The following SSH1 variants were observed in gnomAD, a reference collection of about 807,000 sequenced individuals.
SSH1 encodes the protein slingshot protein phosphatase 1, also known as protein phosphatase Slingshot homolog 1.
Under a neutral mutation model 79.7 loss-of-function variants are expected in SSH1, and 43 were observed. The ratio of observed to expected loss-of-function variants is 0.54; its 90% CI spans 0.42 to 0.70. The LOEUF (loss-of-function observed/expected upper bound fraction) is 0.70. SSH1 is among the 30% of genes least tolerant of loss of function. The probability of loss-of-function intolerance (pLI) is 0.00; values close to 1 mark genes in which losing one functional copy is unlikely to be tolerated. For synonymous variants in SSH1, 599 were observed against 538.3 expected, an observed-to-expected ratio of 1.11 and a Z score of -1.56; for missense variants, 1,206 against 1,358.8, an observed-to-expected ratio of 0.89 and a Z score of 1.77.
At chr12:108,800,662 T>C in intron 12 of SSH1, 118 bp downstream of exon 12, 1 of 1,219,650 alleles carries the variant, frequency 8.2e-7, no homozygotes, top group Non-Finnish European at 1.2e-6. Context: ...GCGTCTGGAG[T>C]CCCGTTAGGA....
intron 2 of SSH1, among the ~76,000 whole-genome samples, chr12:108,826,562 G>A (rs575474811): frequency 2.6e-5 from 4 of 151,992 alleles, no homozygotes; most frequent in South Asian, 2.1e-4. Context: ...GTGGGAGGCC[G>A]CAGAGCATGG....
At position 108,852,259 on chromosome 12, in the gene SSH1, C is replaced by T. The variant is rs531578428; in HGVS notation, c.110+379G>A. 5.9e-3 allele frequency among the ~76,000 whole-genome samples: 853 copies of T among 143,534 alleles called. 4 individuals are homozygous for T. Among genetic ancestry groups the T allele is most frequent in the Non-Finnish European group, 9.5e-3 (629 of 66,518 alleles). 94.2% of individuals were successfully genotyped at this position (143,534 alleles called of 152,430 possible). A position where few individuals can be genotyped will look rare whatever the true frequency, so the allele number is the denominator to read the frequency against. ...TATTCTTTTTTTTTTTTTTTTAAGA[C>T]GGAGTTTTGCTCTGTCGCCAGGCTG... On this transcript the variant is annotated intron_variant, in intron 2 of 14. Transcript: ENST00000326495.
chr12:108,802,530 C>T (rs1249816374), intron 10 of SSH1, among the ~76,000 whole-genome samples, 162 bp from the exon 11 acceptor site: 1 of 152,126 alleles, frequency 6.6e-6, no homozygotes, highest in Non-Finnish European at 1.5e-5. Context: ...CAAGGAGATT[C>T]CTGAGTGAGT....
intron 12 of SSH1, among the ~76,000 whole-genome samples, chr12:108,800,099 G>A (rs1320985152): frequency 2.0e-5 from 3 of 152,208 alleles, no homozygotes; most frequent in South Asian, 2.1e-4. Context: ...ATTTGGTTAA[G>A]GACACATCAT....
Position 108,807,955 on chromosome 12 carries a change from G to C in SSH1, c.537-128C>G. ...TTGATTGGTTGATTATTTCTTTTTGGGACAGAGTCTCGCTCTGTCACTCCC... is the reference window on the plus strand; with the variant it reads ...TTGATTGGTTGATTATTTCTTTTTGCGACAGAGTCTCGCTCTGTCACTCCC... On this transcript the variant is annotated intron_variant, in intron 7 of 14. Transcript: ENST00000326495. The surrounding 1 kb of genome is among the most constrained non-coding windows in gnomAD (Gnocchi z 5.2). 1.2e-6 allele frequency: 1 copy of C among 869,382 alleles called. No homozygotes were observed. Among genetic ancestry groups the C allele is most frequent in the Non-Finnish European group, 1.8e-6 (1 of 545,452 alleles). The allele number at this position is 869,382 out of a possible 1,614,324, so 53.9% of individuals were successfully genotyped here. A position where few individuals can be genotyped will look rare whatever the true frequency, so the allele number is the denominator to read the frequency against.
chr12:108,817,159 C>G lies in SSH1; in HGVS notation c.280G>C (p.Ala94Pro). The G allele has an allele frequency of 6.2e-7, 1 of 1,613,806 alleles. No homozygotes were observed. Among genetic ancestry groups the G allele is most frequent in the Non-Finnish European group, 8.5e-7 (1 of 1,179,978 alleles). Reference protein sequence around the residue: ...LLRCEDRIKLAVRLESAWADR... With the variant: ...LLRCEDRIKLPVRLESAWADR... ...GCCCAGGCGCTCTCCAGGCGCACTG[C>G]CTGGAACAGGGCAGACATGCTCTCA... The change falls in exon 5 of 15, where the codon GCA becomes CCA. Residue 94 changes from alanine (A) to proline (P), a missense_variant and splice_region_variant. Coordinates refer to ENST00000326495, the MANE Select transcript of SSH1 (RefSeq NM_018984.4).
At chr12:108,827,959 G>A (rs956317606) in intron 2 of SSH1, among the ~76,000 whole-genome samples, 13 of 152,320 alleles carry the variant, frequency 8.5e-5, no homozygotes, top group East Asian at 3.9e-4. Flanking sequence ...GGATACGCAC[G>A]GTGCCCAAGG....
chr12:108,809,881 A>G (rs2037488590), intron 6 of SSH1, 123 bp from the exon 7 acceptor site: 2 of 820,704 alleles, frequency 2.4e-6, no homozygotes, highest in Admixed American at 1.9e-5. Context: ...CTCAGGCCAC[A>G]TGATGAGGGA....
chr12:108,796,547 G>A (rs1014450172), intron 13 of SSH1, among the ~76,000 whole-genome samples: 2 of 152,156 alleles, frequency 1.3e-5, no homozygotes, highest in South Asian at 4.1e-4. Flanking sequence ...TTAAGGCTGT[G>A]TAGTATCCCA....
In SSH1 at chr12:108,837,451, T is replaced by C. The variant is rs374921526; in HGVS notation, c.111-14090A>G. On this transcript the variant is annotated intron_variant, in intron 2 of 14. Coordinates refer to ENST00000326495, the MANE Select transcript of SSH1 (RefSeq NM_018984.4). ...AATGCATCAGAGTCAGTGTCCCGCG[T>C]GGATGGCTGTGTTGCGGTTCTGTGG... Among the ~76,000 whole-genome samples, 6 of 152,148 alleles carry C rather than the reference T, an allele frequency of 3.9e-5. No homozygotes were observed. In the East Asian group the frequency reaches 1.2e-3, roughly 29 times the overall value.
chr12:108,789,030 T>C lies in SSH1; in HGVS notation c.2108A>G (p.Lys703Arg). 1 of 1,608,674 alleles carries C rather than the reference T, an allele frequency of 6.2e-7. No individual in the cohort carries two copies. Among genetic ancestry groups the C allele is most frequent in the Non-Finnish European group, 8.5e-7 (1 of 1,176,394 alleles). ...AGGTTCGGTTGGGCCAGAGGCTGGC[T>C]TCTCCGGAACACGGGACCTGCTGGC... ...HLASRSRVPE[K>R]PASGPTEPPP... The change falls in exon 15 of 15, where the codon AAG becomes AGG. Residue 703 changes from lysine (K) to arginine (R), a missense_variant. Physicochemically the swap from Lys to Arg is conservative, Grantham distance 26 (BLOSUM62 2). Around this residue, in one of 5 missense-constraint regions of SSH1, gnomAD observed 709 missense variants for 730.6 expected, o/e 0.97. Transcript: ENST00000326495.
intron 2 of SSH1, among the ~76,000 whole-genome samples, chr12:108,830,194 G>A (rs907877609): frequency 2.6e-5 from 4 of 152,228 alleles, no homozygotes; most frequent in African/African-American, 9.6e-5. Context: ...GCTCACGCCT[G>A]TAATCCTGGC....
At chr12:108,835,875 T>C (rs1198924388) in intron 2 of SSH1, among the ~76,000 whole-genome samples, 1 of 135,184 alleles carries the variant, frequency 7.4e-6, no homozygotes, top group East Asian at 2.1e-4. Context: ...ATATACATAT[T>C]ATATTAATTA....
chr12:108,790,629 G>A (rs997203509), intron 14 of SSH1, among the ~76,000 whole-genome samples: 1 of 152,218 alleles, frequency 6.6e-6, no homozygotes, highest in Admixed American at 6.5e-5. Context: ...CTTTGTGGTA[G>A]GCAGGGAAGT....
At chr12:108,833,651 ATT>A (rs2038528455) in intron 2 of SSH1, 1 of 152,218 alleles carries the variant, frequency 6.6e-6, no homozygotes, top group South Asian at 2.1e-4. Context: ...TCTGTGCTGC[ATT>A]CTCTGAATGT....
intron 9 of SSH1, 62 bp downstream of exon 9, chr12:108,806,239 G>A: frequency 6.7e-7 from 1 of 1,489,436 alleles, no homozygotes; most frequent in Non-Finnish European, 9.4e-7. Flanking sequence ...TGCACTTTCG[G>A]GAGCAGGACA....
intron 2 of SSH1, chr12:108,836,833 G>A: frequency 2.0e-6 from 1 of 501,024 alleles, no homozygotes. Context: ...CATCCCTTGG[G>A]TGATGTTCCA....
rs868190913 is a variant in SSH1, at chr12:108,835,905, A to G, written c.111-12544T>C. Among the ~76,000 whole-genome samples the G allele has an allele frequency of 7.8e-4, 54 of 69,402 alleles. 7 individuals are homozygous for G. The highest frequency in any genetic ancestry group is 2.8e-3 in the African/African-American group (48 of 17,330). 45.5% of individuals were successfully genotyped at this position (69,402 alleles called of 152,430 possible). A position where few individuals can be genotyped will look rare whatever the true frequency, so the allele number is the denominator to read the frequency against. On this transcript the variant is annotated intron_variant, in intron 2 of 14. Coordinates refer to ENST00000326495, the MANE Select transcript of SSH1 (RefSeq NM_018984.4). Reference sequence around the variant, plus strand: ...TAATTAATTATAACTATATTAATATAATTAATTATAACTATATTAATATAA... The same window carrying G: ...TAATTAATTATAACTATATTAATATGATTAATTATAACTATATTAATATAA...
intron 1 of SSH1, 145 bp from the exon 2 acceptor site, chr12:108,852,823 C>A: frequency 6.4e-7 from 1 of 1,553,484 alleles, no homozygotes; most frequent in South Asian, 1.1e-5. Context: ...GTGCCCTTTC[C>A]TCACCAATCC....
Sources: allele counts gnomAD v4.1 joint callset (sites outside exome capture counted in the v4.1 genomes callset), GRCh38; gene constraint gnomAD v4.1.1; regional missense constraint gnomAD v4.1.1; non-coding constraint Gnocchi (gnomAD v3.1); transcripts MANE v1.5; gene names NCBI Gene and HGNC (gene_info 2026-07-23, HGNC 2026-07-21).